The following HSD17B6 variants were observed in gnomAD, a reference collection of about 807,000 sequenced individuals.
HSD17B6 encodes the protein 17-beta-hydroxysteroid dehydrogenase type 6.
HSD17B6 carries 16 observed loss-of-function variants against 26.4 expected under a neutral mutation model. The observed-to-expected ratio is 0.61, with a 90% CI of 0.41 to 0.92. The LOEUF (loss-of-function observed/expected upper bound fraction) is 0.92. HSD17B6 is among the 40% of genes least tolerant of loss of function. The pLI, the probability that HSD17B6 is intolerant of heterozygous loss-of-function variation, is 0.00. For missense variants in HSD17B6, 357 were observed against 386.1 expected (o/e 0.92, Z 0.63); for synonymous variants, 139 against 153.0 (o/e 0.91, Z 0.68).
intron 1 of HSD17B6, among the ~76,000 whole-genome samples, chr12:56,773,283 A>C (rs533109008): frequency 6.6e-6 from 1 of 152,204 alleles, no homozygotes; most frequent in Non-Finnish European, 1.5e-5. Context: ...CTAGTAGCAT[A>C]CTCTGTTTAA....
In HSD17B6 at chr12:56,773,845, C is replaced by G; in HGVS notation, c.-8C>G. On this transcript the variant is annotated 5_prime_UTR_variant, in exon 2 of 5. Transcript: ENST00000322165. ...CTTTCTATTGAAAGAGAAGGAAGCACCCTCACTATGTGGCTCTACCTGGCG... is the reference window on the plus strand; with the variant it reads ...CTTTCTATTGAAAGAGAAGGAAGCAGCCTCACTATGTGGCTCTACCTGGCG... 1 of 1,528,378 alleles carries G rather than the reference C, an allele frequency of 6.5e-7. No individual in the cohort carries two copies. Among genetic ancestry groups the G allele is most frequent in the Non-Finnish European group, 8.8e-7 (1 of 1,137,418 alleles). 94.7% of individuals were successfully genotyped at this position (1,528,378 alleles called of 1,614,324 possible).
rs766013508 is a variant in HSD17B6, at chr12:56,773,998, T to C, written c.146T>C (p.Leu49Pro). 36 of 1,614,070 alleles carry C rather than the reference T, an allele frequency of 2.2e-5. 1 individual carries two copies. The South Asian group carries it at 3.8e-4, about 17-fold the overall frequency. The part of the protein sequence containing the change: ...SGFGNLLARQ[L>P]DARGLRVLAA... ...TTTGGGAACCTGCTGGCCAGACAGC[T>C]GGATGCACGAGGCTTGAGAGTGCTG... The change falls in exon 2 of 5, where the codon CTG becomes CCG. Residue 49 changes from leucine to proline, a missense_variant. By Grantham distance (98) the Leu-to-Pro change is moderately conservative. Transcript: ENST00000322165.
In HSD17B6 at chr12:56,781,028, C is replaced by T. The variant is rs116738375; in HGVS notation, c.314-946C>T. Among the ~76,000 whole-genome samples the T allele has an allele frequency of 3.0e-3, 455 of 151,994 alleles. 2 individuals carry two copies. The highest frequency in any genetic ancestry group is 0.011 in the African/African-American group (444 of 41,448). On this transcript the variant is annotated intron_variant, in intron 2 of 4. Coordinates refer to ENST00000322165, the MANE Select transcript of HSD17B6 (RefSeq NM_003725.4). The stretch of plus-strand genomic sequence containing the variant: ...AATCTGCTGGCAAGTATACCCTTTC[C>T]GCAAAAAGTGAAAAAAATGGCCTTA...
At chr12:56,785,241 T>C (rs1954851357) in intron 4 of HSD17B6, among the ~76,000 whole-genome samples, 1 of 152,138 alleles carries the variant, frequency 6.6e-6, no homozygotes, top group Admixed American at 6.5e-5. Context: ...GGAAAGCCCC[T>C]TATGAAACCA....
At chr12:56,776,202 A>G (rs576452922) in intron 2 of HSD17B6, among the ~76,000 whole-genome samples, 21 of 152,238 alleles carry the variant, frequency 1.4e-4, no homozygotes, top group African/African-American at 5.1e-4. Context: ...TTAGGATTAC[A>G]GGCGTGAGCC....
intron 1 of HSD17B6, among the ~76,000 whole-genome samples, chr12:56,767,583 A>G (rs1954361918): frequency 6.9e-6 from 1 of 145,580 alleles, no homozygotes; most frequent in Admixed American, 7.0e-5. Context: ...TCTATTGTGT[A>G]TATATATTAT....
chr12:56,775,857 C>T (rs1954580202), intron 2 of HSD17B6, among the ~76,000 whole-genome samples: 1 of 152,154 alleles, frequency 6.6e-6, no homozygotes, highest in South Asian at 2.1e-4. Flanking sequence ...TCATCACTCC[C>T]CACATTCCTG....
intron 1 of HSD17B6, chr12:56,770,613 A>T (rs965418382): frequency 6.6e-6 from 1 of 152,056 alleles, no homozygotes; most frequent in African/African-American, 2.4e-5. Context: ...TTTATCTAAC[A>T]TTTATTAAGT....
intron 1 of HSD17B6, among the ~76,000 whole-genome samples, chr12:56,772,113 G>A (rs188749474): frequency 2.0e-5 from 3 of 152,062 alleles, no homozygotes; most frequent in East Asian, 1.9e-4. Context: ...GTGTGAAAAC[G>A]GACTAGTACA....
chr12:56,783,024 G>A (rs1388883461), intron 3 of HSD17B6, among the ~76,000 whole-genome samples: 2 of 152,208 alleles, frequency 1.3e-5, no homozygotes, highest in Admixed American at 6.5e-5. Flanking sequence ...AAAATGAAAA[G>A]TCTCCCATGT....
chr12:56,771,489 C>T (rs1352791066), intron 1 of HSD17B6, among the ~76,000 whole-genome samples: 2 of 137,288 alleles, frequency 1.5e-5, no homozygotes, highest in Admixed American at 7.9e-5. Flanking sequence ...GGCAGAATCT[C>T]GCTCTGTCAC....
chr12:56,787,047 G>A, intron 4 of HSD17B6, 78 bp from the exon 5 acceptor site: 1 of 1,085,708 alleles, frequency 9.2e-7, no homozygotes, highest in Non-Finnish European at 1.4e-6. Context: ...ATTAGATGTG[G>A]TGAGACTTCT....
intron 1 of HSD17B6, among the ~76,000 whole-genome samples, chr12:56,769,295 C>A (rs932912529): frequency 3.3e-5 from 5 of 151,890 alleles, no homozygotes; most frequent in Admixed American, 3.3e-4. Flanking sequence ...AGAGATGGGG[C>A]TTAGTCATGT....
At chr12:56,774,273 T>C in intron 2 of HSD17B6, 108 bp downstream of exon 2, 1 of 993,008 alleles carries the variant, frequency 1.0e-6, no homozygotes, top group South Asian at 2.1e-5. Flanking sequence ...TGCTTGTGGA[T>C]ACTAAAATCC....
In HSD17B6 at chr12:56,782,201, T is replaced by G. The variant is rs767833118; in HGVS notation, c.541T>G (p.Tyr181Asp). ...FFVGGYCVSK[Y>D]GVEAFSDILR... ...TGTAGGAGGCTACTGTGTCTCCAAG[T>G]ATGGAGTGGAAGCCTTTTCAGATAT... The change falls in exon 3 of 5, where the codon TAT (tyrosine) becomes GAT (aspartate). Residue 181 changes from tyrosine (Y) to aspartate (D), a missense_variant. Physicochemically the swap from Tyr to Asp is radical, Grantham distance 160. Transcript: ENST00000322165. 1.2e-6 allele frequency: 2 copies of G among 1,613,994 alleles called. No individual in the cohort carries two copies. Among genetic ancestry groups the G allele is most frequent in the African/African-American group, 1.3e-5 (1 of 74,922 alleles).
chr12:56,780,766 G>A (rs1304744069), intron 2 of HSD17B6, among the ~76,000 whole-genome samples: 1 of 150,428 alleles, frequency 6.6e-6, no homozygotes, highest in African/African-American at 2.5e-5. Context: ...GGAGAATGGG[G>A]TGAACCCGGG....
At chr12:56,765,036 G>A (rs1187820915) in intron 1 of HSD17B6, among the ~76,000 whole-genome samples, 1 of 152,136 alleles carries the variant, frequency 6.6e-6, no homozygotes, top group East Asian at 1.9e-4. Flanking sequence ...TGTTGGCCAG[G>A]CTGGTCTTGA....
chr12:56,766,712 A>T (rs1171374991), intron 1 of HSD17B6, among the ~76,000 whole-genome samples: 5 of 152,158 alleles, frequency 3.3e-5, no homozygotes, highest in Non-Finnish European at 5.9e-5. Context: ...AGTGAGAGTG[A>T]CACTGTGGGG....
chr12:56,768,974 C>A, intron 1 of HSD17B6, among the ~76,000 whole-genome samples: 2 of 143,854 alleles, frequency 1.4e-5, no homozygotes, highest in Non-Finnish European at 1.5e-5. Context: ...GAGAGGATTG[C>A]AGTAATAGAG....
Sources: allele counts gnomAD v4.1 joint callset (sites outside exome capture counted in the v4.1 genomes callset), GRCh38; gene constraint gnomAD v4.1.1; transcripts MANE v1.5; gene names NCBI Gene and HGNC (gene_info 2026-07-23, HGNC 2026-07-21).